MAGED1: variants seen among roughly 807,000 people sequenced by gnomAD.
MAGED1 encodes melanoma-associated antigen D1.
A neutral mutation model predicts 54.1 loss-of-function variants in MAGED1; 3 were observed. The ratio of observed to expected loss-of-function variants is 0.06; its 90% CI spans 0.03 to 0.14. MAGED1 has a LOEUF of 0.14. MAGED1 is among the 10% of genes least tolerant of loss of function. The pLI is 1.00. For missense variants in MAGED1, 485 were observed against 623.4 expected (o/e 0.78, Z 2.36); for synonymous variants, 217 against 227.3 (o/e 0.95, Z 0.41).
chrX:51,834,719 A>G (rs1557357776), intron 1 of MAGED1, among the ~76,000 whole-genome samples: 1 of 111,372 alleles, frequency 9.0e-6, no homozygotes, highest in Non-Finnish European at 1.9e-5. Context: ...GTCCGTAGTT[A>G]GTCTTTTTAC....
At chrX:51,807,461 T>C (rs1557355224) in intron 1 of MAGED1, among the ~76,000 whole-genome samples, 18 of 111,867 alleles carry the variant, frequency 1.6e-4, no homozygotes, top group Non-Finnish European at 1.9e-5. Context: ...TTATTTTTTT[T>C]CATTTATGGT....
At chrX:51,842,227 A>C (rs1414185159) in intron 1 of MAGED1, among the ~76,000 whole-genome samples, 1 of 112,129 alleles carries the variant, frequency 8.9e-6, no homozygotes, top group Admixed American at 9.4e-5. Context: ...GCCTTTGTTT[A>C]TTTAGTTTAA....
At chrX:51,835,241 A>G (rs186610383) in intron 1 of MAGED1, among the ~76,000 whole-genome samples, 4 of 111,553 alleles carry the variant, frequency 3.6e-5, no homozygotes, top group African/African-American at 1.3e-4. Context: ...CCTAGCAAAC[A>G]TTGTAGCTTA....
chrX:51,883,583 C>T (rs1283039900), intron 1 of MAGED1, among the ~76,000 whole-genome samples: 1 of 112,265 alleles, frequency 8.9e-6, no homozygotes, highest in Non-Finnish European at 1.9e-5. Context: ...AATCACTTGT[C>T]ATAGTGAGAA....
rs376931819 is a variant in MAGED1, at chrX:51,814,309, T to TGCCACTGCCGCCACC, written c.-37+11193_-37+11207dup. Among the ~76,000 whole-genome samples, 467 of 111,751 alleles carry TGCCACTGCCGCCACC rather than the reference T, an allele frequency of 4.2e-3. 7 individuals carry two copies. The highest frequency in any genetic ancestry group is 0.014 in the African/African-American group (443 of 30,754). On this transcript the variant is annotated intron_variant, in intron 1 of 12. Coordinates refer to the MAGED1 transcript ENST00000375772. ...CTGCTACCGCCGCCGCCGCTGCCGC[T>TGCCACTGCCGCCACC]GCCACTGCCGCCACCACCACCTGTG...
intron 1 of MAGED1, among the ~76,000 whole-genome samples, chrX:51,829,942 G>A (rs1557357267): frequency 9.0e-6 from 1 of 111,361 alleles, no homozygotes; most frequent in African/African-American, 3.3e-5. Flanking sequence ...ATTTCCTTCT[G>A]TTGCAACATT....
intron 1 of MAGED1, among the ~76,000 whole-genome samples, chrX:51,871,091 C>G (rs1168126928): frequency 8.9e-6 from 1 of 112,081 alleles, no homozygotes; most frequent in Non-Finnish European, 1.9e-5. Flanking sequence ...GCATAAGACT[C>G]TGCCTCTGCA....
At chrX:51,894,717 C>A in intron 2 of MAGED1, 1 of 1,163,993 alleles carries the variant, frequency 8.6e-7, no homozygotes, top group East Asian at 3.0e-5. Flanking sequence ...TCTGTGCGAC[C>A]CCCCTTATTC....
chrX:51,895,724 G>A lies in MAGED1; in HGVS notation c.717G>A (p.Glu239=), dbSNP rs782185024. 10 of 1,186,649 alleles carry A rather than the reference G, an allele frequency of 8.4e-6. No individual in the cohort carries two copies. The highest frequency in any genetic ancestry group is 1.8e-5 in the African/African-American group (1 of 56,765). ...ATGGTTCCCAGGCTCAGAATCTGGAGTCCCGGACAATAATTCGGGGCAAGA... is the reference window on the plus strand; with the variant it reads ...ATGGTTCCCAGGCTCAGAATCTGGAATCCCGGACAATAATTCGGGGCAAGA... ...SADGSQAQNL[E]SRTIIRGKRT... Residue 239 remains glutamate (E), a synonymous_variant, in exon 3 of 13, where the codon GAG becomes GAA. Coordinates refer to ENST00000326587, the MANE Select transcript of MAGED1 (RefSeq NM_006986.4).
At position 51,895,250 on chromosome X, in the gene MAGED1, G is replaced by C; in HGVS notation, c.243G>C (p.Gln81His). The stretch of plus-strand genomic sequence containing the variant: ...GGCCTAAGTCAGCCTTTAAAGTCCA[G>C]AATGCCACCACAAAAGGCCCAAATG... ...AARPKSAFKV[Q>H]NATTKGPNGV... Residue 81 changes from glutamine to histidine, a missense_variant, in exon 3 of 13, where the codon CAG becomes CAC. Gln to His is a conservative substitution (Grantham distance 24, BLOSUM62 0). Around this residue, in one of 2 missense-constraint regions of MAGED1, gnomAD observed 299 missense variants for 293.1 expected, o/e 1.02. Coordinates refer to ENST00000326587, the MANE Select transcript of MAGED1 (RefSeq NM_006986.4). The C allele has an allele frequency of 8.3e-7, 1 of 1,211,660 alleles. No homozygotes were observed. The highest frequency in any genetic ancestry group is 1.7e-5 in the African/African-American group (1 of 57,855).
upstream of MAGED1, among the ~76,000 whole-genome samples, chrX:51,892,865 G>A (rs1557363631): frequency 9.0e-6 from 1 of 111,105 alleles, no homozygotes; most frequent in African/African-American, 3.3e-5. Flanking sequence ...CTGTGCCTCA[G>A]CTTCCTGATC....
intron 1 of MAGED1, among the ~76,000 whole-genome samples, chrX:51,879,811 G>GT (rs782213310): frequency 5.4e-5 from 6 of 111,399 alleles, no homozygotes; most frequent in Middle Eastern, 4.6e-3. Context: ...GTTTGTCCAG[G>GT]TTTTTTTTCT....
Position 51,873,961 on chromosome X carries a change from A to G in MAGED1, c.-36-20308A>G, listed in dbSNP as rs782194574. ...ACATCTCATGGGAAAGAACTGTGAC[A>G]CATAGCCACCACTATCTGTAGCTGA... On this transcript the variant is annotated intron_variant, in intron 1 of 12. Transcript: ENST00000375772. Among the ~76,000 whole-genome samples, 19 of 111,909 alleles carry G rather than the reference A, an allele frequency of 1.7e-4. No individual in the cohort carries two copies. In the East Asian group the frequency reaches 5.1e-3, roughly 30 times the overall value.
In MAGED1 at chrX:51,894,606, A is replaced by G. The variant is rs1240933418; in HGVS notation, c.45+257A>G. 5.2e-6 allele frequency: 6 copies of G among 1,157,306 alleles called. No individual in the cohort carries two copies. The African/African-American group carries it at 7.5e-5, about 14-fold the overall frequency. On this transcript the variant is annotated intron_variant, in intron 2 of 12. Coordinates refer to ENST00000326587, the MANE Select transcript of MAGED1 (RefSeq NM_006986.4). Reference sequence around the variant, plus strand: ...CCAGAGAATGCGGGGTGGGTAAGGAACCATTTTTTTTTTTTTCCAGAATCC... The same window carrying G: ...CCAGAGAATGCGGGGTGGGTAAGGAGCCATTTTTTTTTTTTTCCAGAATCC...
At chrX:51,848,065 TA>T (rs1177515511) in intron 1 of MAGED1, among the ~76,000 whole-genome samples, 5 of 111,936 alleles carry the variant, frequency 4.5e-5, no homozygotes, top group African/African-American at 1.3e-4. Context: ...GTTGGACTTT[TA>T]AATTTTTGTC....
At chrX:51,811,451 G>A (rs183198688) in intron 1 of MAGED1, among the ~76,000 whole-genome samples, 6 of 112,021 alleles carry the variant, frequency 5.4e-5, no homozygotes, top group South Asian at 3.7e-4. Flanking sequence ...GTGGTTTACC[G>A]GAGTGCTATG....
intron 1 of MAGED1, among the ~76,000 whole-genome samples, chrX:51,824,572 T>C (rs1925761507): frequency 9.1e-6 from 1 of 109,970 alleles, no homozygotes; most frequent in African/African-American, 3.3e-5. Flanking sequence ...TCATCAAATT[T>C]GTGATGCTTT....
rs1352910011 is a variant in MAGED1, at chrX:51,850,013, A to C, written c.-36-44256A>C. Among the ~76,000 whole-genome samples the C allele has an allele frequency of 2.7e-5, 3 of 110,372 alleles. No homozygotes were observed. In the Admixed American group the frequency reaches 2.9e-4, roughly 11 times the overall value. On this transcript the variant is annotated intron_variant, in intron 1 of 12. Transcript: ENST00000375772. ...AGTGGCATGATCTCGGCTCACTGCAACCTCTGCCTCTGAGGTTCAAGCAAT... is the reference window on the plus strand; with the variant it reads ...AGTGGCATGATCTCGGCTCACTGCACCCTCTGCCTCTGAGGTTCAAGCAAT...
intron 1 of MAGED1, among the ~76,000 whole-genome samples, chrX:51,883,383 A>G (rs1278650392): frequency 9.0e-6 from 1 of 111,612 alleles, no homozygotes; most frequent in Non-Finnish European, 1.9e-5. Context: ...GTCTCTCCCA[A>G]GCAGAGTGGT....
Sources: gnomAD v4.1 joint callset for allele counts (sites outside exome capture counted in the v4.1 genomes callset) on GRCh38, gnomAD v4.1.1 for gene constraint, gnomAD v4.1.1 regional missense constraint, MANE v1.5 for transcripts, NCBI Gene and HGNC (gene_info 2026-07-23, HGNC 2026-07-21) for gene names.